Variants in ZBBX observed in about 807,000 individuals in gnomAD.
ZBBX encodes the protein zinc finger B-box domain containing, also known as zinc finger B-box domain-containing protein 1.
A neutral mutation model predicts 108.5 loss-of-function variants in ZBBX; 101 were observed. The ratio of observed to expected loss-of-function variants is 0.93; its 90% CI spans 0.79 to 1.10. The LOEUF is 1.10. Among genes scored for constraint, ZBBX ranks in the 50% least tolerant of loss-of-function variants. The pLI is 0.00. For missense variants in ZBBX, 1,009 were observed against 941.4 expected (o/e 1.07, Z -0.94); for synonymous variants, 356 against 323.4 (o/e 1.10, Z -1.08).
At chr3:167,382,794 T>C (rs1242843411), upstream of ZBBX, among the ~76,000 whole-genome samples, 12 of 152,156 alleles carry the variant, frequency 7.9e-5, no homozygotes, top group Non-Finnish European at 1.8e-4. Context: ...TGTAATGTTG[T>C]ATGTTTATTT....
intron 1 of ZBBX, among the ~76,000 whole-genome samples, chr3:167,388,145 A>C (rs534718036): frequency 6.6e-6 from 1 of 152,070 alleles, no homozygotes; most frequent in South Asian, 2.1e-4. Context: ...AGTCACAGAA[A>C]ACCTCTCTGA....
intron 1 of ZBBX, among the ~76,000 whole-genome samples, chr3:167,404,415 A>T (rs1188766861): frequency 1.3e-5 from 2 of 152,140 alleles, no homozygotes; most frequent in African/African-American, 4.8e-5. Flanking sequence ...TCTAGGTCCC[A>T]TTGCTCGCCA....
intron 17 of ZBBX, among the ~76,000 whole-genome samples, chr3:167,300,609 CTT>C (rs59816017): frequency 1.8e-4 from 25 of 141,700 alleles, no homozygotes; most frequent in Non-Finnish European, 1.5e-4. Flanking sequence ...CCCACCAACC[CTT>C]TTTTTTTTTT....
intron 2 of ZBBX, among the ~76,000 whole-genome samples, chr3:167,376,326 A>G (rs1157832228): frequency 6.6e-6 from 1 of 152,196 alleles, no homozygotes; most frequent in East Asian, 1.9e-4. Flanking sequence ...TCCAGGAATA[A>G]TCCTGCTCCA....
chr3:167,288,990 T>C lies in ZBBX; in HGVS notation c.1880-7A>G, dbSNP rs1331306536. The C allele has an allele frequency of 1.3e-6, 2 of 1,519,660 alleles. No homozygotes were observed. The highest frequency in any genetic ancestry group is 1.3e-5 in the South Asian group (1 of 78,688). 94.1% of individuals were successfully genotyped at this position (1,519,660 alleles called of 1,614,324 possible). A position where few individuals can be genotyped will look rare whatever the true frequency, so the allele number is the denominator to read the frequency against. ...GGAATCCATTCTCTGTCTTCTGAAA[T>C]TGAAAAACAGTAAGATAACATAAAG... On this transcript the variant is annotated splice_region_variant and splice_polypyrimidine_tract_variant and intron_variant, in intron 18 of 21. Coordinates refer to ENST00000675490, the MANE Select transcript of ZBBX (RefSeq NM_001199201.2).
chr3:167,300,034 A>C (rs1007233804), intron 17 of ZBBX, among the ~76,000 whole-genome samples: 9 of 152,188 alleles, frequency 5.9e-5, no homozygotes, highest in African/African-American at 1.9e-4. Context: ...ATCTCCTATA[A>C]TAAGATGCTC....
the ZBBX span, among the ~76,000 whole-genome samples, chr3:167,207,988 G>T: frequency 2.0e-5 from 3 of 152,168 alleles, no homozygotes; most frequent in African/African-American, 7.2e-5. Context: ...ATGGCACTGA[G>T]AATCTGCATT....
At chr3:167,322,716 T>C (rs1049909028) in intron 11 of ZBBX, among the ~76,000 whole-genome samples, 3 of 152,064 alleles carry the variant, frequency 2.0e-5, no homozygotes, top group African/African-American at 7.2e-5. Context: ...ATGTTTAAGA[T>C]ATTTCTGAAG....
rs1339290313 is a variant in ZBBX at position 167,341,460 on chromosome 3, T to C, written c.529-7475A>G. Reference sequence around the variant, plus strand: ...AAATGGAATAGCTGAAAAAGTAACATATTGTCAAAAAAGTTTAAAGCACCT... The same window carrying C: ...AAATGGAATAGCTGAAAAAGTAACACATTGTCAAAAAAGTTTAAAGCACCT... On this transcript the variant is annotated intron_variant, in intron 9 of 21. Transcript: ENST00000675490. 5.9e-5 allele frequency among the ~76,000 whole-genome samples: 9 copies of C among 151,820 alleles called. No homozygotes were observed. The South Asian group carries it at 1.7e-3, about 28-fold the overall frequency.
chr3:167,312,330 A>G (rs1217021970), intron 16 of ZBBX, among the ~76,000 whole-genome samples: 1 of 152,186 alleles, frequency 6.6e-6, no homozygotes, highest in Non-Finnish European at 1.5e-5. Flanking sequence ...ACGAGAAGGT[A>G]TTCTGTATGA....
At chr3:167,225,511 A>G in the ZBBX span, among the ~76,000 whole-genome samples, 1 of 151,842 alleles carries the variant, frequency 6.6e-6, no homozygotes, top group Non-Finnish European at 1.5e-5. Flanking sequence ...TTGTTTTGCA[A>G]TCATTGAAAA....
At chr3:167,312,397 A>G (rs1370797188) in intron 16 of ZBBX, among the ~76,000 whole-genome samples, 1 of 152,180 alleles carries the variant, frequency 6.6e-6, no homozygotes, top group Non-Finnish European at 1.5e-5. Context: ...CATAGCATGT[A>G]CAATACCAAG....
At chr3:167,357,653 A>T (rs1407127254) in intron 8 of ZBBX, among the ~76,000 whole-genome samples, 1 of 152,220 alleles carries the variant, frequency 6.6e-6, no homozygotes, top group Non-Finnish European at 1.5e-5. Flanking sequence ...GCACATACAT[A>T]CAAAGGAATA....
At chr3:167,293,238 A>G (rs1185525982) in intron 18 of ZBBX, among the ~76,000 whole-genome samples, 1 of 152,152 alleles carries the variant, frequency 6.6e-6, no homozygotes, top group East Asian at 1.9e-4. Flanking sequence ...CCTGGCAGAG[A>G]CAAAACAAAA....
intron 20 of ZBBX, among the ~76,000 whole-genome samples, chr3:167,260,051 T>A (rs945926271): frequency 6.6e-6 from 1 of 152,188 alleles, no homozygotes; most frequent in African/African-American, 2.4e-5. Context: ...TCTCAGCATT[T>A]GTTTGTCTGA....
chr3:167,330,871 G>GAAGAAGAAGAGGAAGAAGAAGAAGAAGA (rs1553820669), intron 10 of ZBBX, among the ~76,000 whole-genome samples: 1 of 43,916 alleles, frequency 2.3e-5, no homozygotes, highest in Non-Finnish European at 4.5e-5. Flanking sequence ...GGAGGAGGAG[G>GAAGAAGAAGAGGAAGAAGAAGAAGAAGA]AGAAGAAGAA....
chr3:167,259,616 A>G (rs1724114571), intron 20 of ZBBX, among the ~76,000 whole-genome samples: 1 of 152,086 alleles, frequency 6.6e-6, no homozygotes, highest in Admixed American at 6.6e-5. Context: ...GTTCAGGGCT[A>G]TGAACTTTCC....
intron 16 of ZBBX, 139 bp from the exon 17 acceptor site, chr3:167,306,089 T>C (rs1733596366): frequency 1.6e-6 from 1 of 628,582 alleles, no homozygotes; most frequent in Non-Finnish European, 2.5e-6. Flanking sequence ...GATGTTTTAG[T>C]GTTAAAATAT....
chr3:167,284,878 A>G (rs1348061742), intron 19 of ZBBX, among the ~76,000 whole-genome samples: 1 of 152,162 alleles, frequency 6.6e-6, no homozygotes, highest in Admixed American at 6.5e-5. Context: ...TAAGGGTACT[A>G]ATGTTACGGT....
Sources: allele counts gnomAD v4.1 joint callset (sites outside exome capture counted in the v4.1 genomes callset), GRCh38; gene constraint gnomAD v4.1.1; transcripts MANE v1.5; gene names NCBI Gene and HGNC (gene_info 2026-07-23, HGNC 2026-07-21).